Variants in ADCY10 observed in about 807,000 individuals in gnomAD.
The protein encoded by ADCY10 is adenylate cyclase 10.
In ADCY10, 156 loss-of-function variants were observed where a neutral mutation model predicts 183.3. The ratio of observed to expected loss-of-function variants is 0.85; its 90% confidence interval spans 0.75 to 0.97. The LOEUF is 0.97. Among genes scored for constraint, ADCY10 ranks in the 50% least tolerant of loss-of-function variants. The pLI, the probability that ADCY10 is intolerant of heterozygous loss-of-function variation, is 0.00. For synonymous variants in ADCY10, 645 were observed against 670.0 expected (o/e 0.96, Z 0.58); for missense variants, 1,745 against 1,934.3 (o/e 0.90, Z 1.84).
At position 167,904,946 on chromosome 1, in the gene ADCY10, G is replaced by T; in HGVS notation, c.148+47C>A. 3 of 1,613,846 alleles carry T rather than the reference G, an allele frequency of 1.9e-6. No homozygotes were observed. In the Admixed American group the frequency reaches 5.0e-5, roughly 27 times the overall value. On this transcript the variant is annotated intron_variant, in intron 2 of 32. Transcript: ENST00000367851. ...AAGCTCTGCATGTGAATTCCCACGC[G>T]AGCCTGTTGCTCATCCACATTAAAC...
chr1:167,847,893 T>C lies in ADCY10; in HGVS notation c.2437+468A>G, dbSNP rs569677039. Among the ~76,000 whole-genome samples the C allele has an allele frequency of 2.0e-3, 299 of 152,346 alleles. 5 individuals carry two copies. The highest frequency in any genetic ancestry group is 3.4e-3 in the Middle Eastern group (1 of 294). Reference sequence around the variant, plus strand: ...CCCAGAATATACACAGGGGGAAAGATGGCTCTTAGGAGCAAAGCCAAGCCT... The same window carrying C: ...CCCAGAATATACACAGGGGGAAAGACGGCTCTTAGGAGCAAAGCCAAGCCT... On this transcript the variant is annotated intron_variant, in intron 19 of 32. Transcript: ENST00000367851.
At position 167,896,742 on chromosome 1, in the gene ADCY10, C is replaced by A. The variant is rs767718448; in HGVS notation, c.643-51G>T. 9.4e-6 allele frequency: 12 copies of A among 1,271,868 alleles called. No individual in the cohort carries two copies. The South Asian group carries it at 1.4e-4, about 15-fold the overall frequency. The allele number at this position is 1,271,868 out of a possible 1,614,324, so 78.8% of individuals were successfully genotyped here. On this transcript the variant is annotated intron_variant, in intron 6 of 32. Coordinates refer to ENST00000367851, the MANE Select transcript of ADCY10 (RefSeq NM_018417.6). The stretch of plus-strand genomic sequence containing the variant: ...TCAGTTATTCTGAGAACTGTTTAAT[C>A]CTTTGAAGTGTAATTTCTTAGCAGA...
chr1:167,884,090 C>T (rs1449474869), intron 8 of ADCY10, among the ~76,000 whole-genome samples: 2 of 152,086 alleles, frequency 1.3e-5, no homozygotes, highest in Non-Finnish European at 2.9e-5. Flanking sequence ...AGCATTTATC[C>T]TTTGTGTTAC....
chr1:167,820,281 A>T (rs1662812634), intron 30 of ADCY10: 1 of 1,373,988 alleles, frequency 7.3e-7, no homozygotes. Context: ...CTGGCGCCGC[A>T]GCGCCGGCCG....
chr1:167,855,329 A>AAAAC (rs34829966), intron 17 of ADCY10, among the ~76,000 whole-genome samples: 55,601 of 150,880 alleles, frequency 0.37, 10,438 homozygotes, highest in Admixed American at 0.45. Flanking sequence ...TAAAAAACAA[A>AAAAC]AAACAAACAA....
chr1:167,887,241 G>A (rs1210774870), intron 8 of ADCY10, among the ~76,000 whole-genome samples: 1 of 152,270 alleles, frequency 6.6e-6, no homozygotes, highest in Admixed American at 6.5e-5. Context: ...AAAGACACAT[G>A]CACATGTATG....
In ADCY10 at chr1:167,841,078, C is replaced by T. The variant is rs138675966; in HGVS notation, c.3008-3760G>A. 8.2e-3 allele frequency among the ~76,000 whole-genome samples: 1,248 copies of T among 151,868 alleles called. 17 individuals carry two copies. The highest frequency in any genetic ancestry group is 0.012 in the Non-Finnish European group (817 of 67,970). ...ACCTCAGCCTCCTGAGTAGCTGGGG[C>T]TACAGGCACCTGCCACCACACCCAG... On this transcript the variant is annotated intron_variant, in intron 21 of 32. Transcript: ENST00000367851.
intron 6 of ADCY10, among the ~76,000 whole-genome samples, chr1:167,898,794 TTC>T (rs1307267512): frequency 1.3e-5 from 2 of 152,132 alleles, no homozygotes; most frequent in Non-Finnish European, 2.9e-5. Flanking sequence ...TGTCTTTTCT[TTC>T]TTTCTGCCGC....
At chr1:167,851,688 G>T (rs922132138) in intron 18 of ADCY10, among the ~76,000 whole-genome samples, 18 of 152,054 alleles carry the variant, frequency 1.2e-4, no homozygotes, top group Admixed American at 9.8e-4. Context: ...GTCAGGCATG[G>T]TGGCAGTTGC....
chr1:167,888,933 T>C lies in ADCY10; in HGVS notation c.828+4920A>G, dbSNP rs569119898. ...AAATGCTGATTTTTGTATGATGATTTTGTATACTGTGACCTTGTTGAATTT... is the reference window on the plus strand; with the variant it reads ...AAATGCTGATTTTTGTATGATGATTCTGTATACTGTGACCTTGTTGAATTT... On this transcript the variant is annotated intron_variant, in intron 8 of 32. Transcript: ENST00000367851. 2.6e-5 allele frequency among the ~76,000 whole-genome samples: 4 copies of C among 152,154 alleles called. No homozygotes were observed. The South Asian group carries it at 8.3e-4, about 32-fold the overall frequency.
chr1:167,899,631 G>C lies in ADCY10; in HGVS notation c.437-3C>G, dbSNP rs775703853. 1 of 1,613,538 alleles carries C rather than the reference G, an allele frequency of 6.2e-7. No individual in the cohort carries two copies. The highest frequency in any genetic ancestry group is 8.5e-7 in the Non-Finnish European group (1 of 1,179,924). ...GCTGATGTGGCCAGCAGCCAGTCCT[G>C]GCAAGAAGGCAAGGAATAGGTTTGC... On this transcript the variant is annotated splice_region_variant and splice_polypyrimidine_tract_variant and intron_variant, in intron 5 of 32. Coordinates refer to ENST00000367851, the MANE Select transcript of ADCY10 (RefSeq NM_018417.6).
chr1:167,822,037 A>G lies in ADCY10; in HGVS notation c.4273T>C (p.Ser1425Pro), dbSNP rs1461856014. Residue 1425 changes from serine to proline, a missense_variant, in exon 30 of 33, where the codon TCT (serine) becomes CCT (proline). Physicochemically the swap from Ser to Pro is moderately conservative, Grantham distance 74. Transcript: ENST00000367851. ...ACACATTGTTACCAGATAGCTACAG[A>G]GGAATAAAGTCCCAGGAGGAGTCCA... ...HSGLLLGLYS[S>P]VAIWYARLQE... The G allele has an allele frequency of 6.3e-7, 1 of 1,579,488 alleles. No individual in the cohort carries two copies. Among genetic ancestry groups the G allele is most frequent in the African/African-American group, 1.3e-5 (1 of 74,244 alleles).
Position 167,895,460 on chromosome 1 carries a change from G to A in ADCY10, c.739+1135C>T, listed in dbSNP as rs1449203194. Among the ~76,000 whole-genome samples, 6 of 152,214 alleles carry A rather than the reference G, an allele frequency of 3.9e-5. No individual in the cohort carries two copies. In the East Asian group the frequency reaches 1.2e-3, roughly 29 times the overall value. ...TATTTGTAACATCTAAAATACTCCA[G>A]ACCTGTACATAAATGATGAGAAAGA... is the stretch of plus-strand genomic sequence containing the variant. On this transcript the variant is annotated intron_variant, in intron 7 of 32. Transcript: ENST00000367851.
intron 17 of ADCY10, among the ~76,000 whole-genome samples, chr1:167,854,999 C>T (rs1395042467): frequency 6.6e-6 from 1 of 152,188 alleles, no homozygotes; most frequent in Non-Finnish European, 1.5e-5. Context: ...AAAAAACATT[C>T]TCTATGTTGT....
At chr1:167,884,267 T>C (rs1668066995) in intron 8 of ADCY10, among the ~76,000 whole-genome samples, 1 of 152,136 alleles carries the variant, frequency 6.6e-6, no homozygotes. Context: ...TGGGGAGGAC[T>C]CAAACTTATA....
intron 26 of ADCY10, among the ~76,000 whole-genome samples, chr1:167,828,417 T>A (rs1274050033): frequency 6.6e-6 from 1 of 152,206 alleles, no homozygotes; most frequent in Non-Finnish European, 1.5e-5. Context: ...CCTTTAACAT[T>A]TTTCTCTTTC....
chr1:167,903,542 C>T (rs982967597), intron 3 of ADCY10, among the ~76,000 whole-genome samples: 4 of 151,348 alleles, frequency 2.6e-5, no homozygotes, highest in African/African-American at 4.9e-5. Context: ...CCAGCCTGGG[C>T]GACAGAGCAA....
chr1:167,845,511 T>A (rs971394753), intron 21 of ADCY10, 52 bp downstream of exon 21: 2 of 1,575,196 alleles, frequency 1.3e-6, no homozygotes, highest in Non-Finnish European at 1.7e-6. Context: ...TAGATCTTAG[T>A]CTCTAGATTT....
intron 30 of ADCY10, chr1:167,818,504 G>C: frequency 1.6e-6 from 1 of 610,662 alleles, no homozygotes; most frequent in Non-Finnish European, 3.0e-6. Flanking sequence ...AAACACTCAG[G>C]TAATATTAGC....
Sources: gnomAD v4.1 joint callset for allele counts (sites outside exome capture counted in the v4.1 genomes callset) on GRCh38, gnomAD v4.1.1 for gene constraint, MANE v1.5 for transcripts, NCBI Gene and HGNC (gene_info 2026-07-23, HGNC 2026-07-21) for gene names.